SMURF1: variants seen among roughly 807,000 people sequenced by gnomAD.
SMURF1 encodes E3 ubiquitin-protein ligase SMURF1.
In SMURF1, 44 loss-of-function variants were observed where a neutral mutation model predicts 98.0. The ratio of observed to expected loss-of-function variants is 0.45; its 90% confidence interval spans 0.35 to 0.58. The LOEUF (loss-of-function observed/expected upper bound fraction) is 0.58. SMURF1 is among the 20% of genes least tolerant of loss of function. The pLI is 0.00. For missense variants in SMURF1, 687 were observed against 938.4 expected, an observed-to-expected ratio of 0.73 and a Z score of 3.50; for synonymous variants, 396 against 374.9, an observed-to-expected ratio of 1.06 and a Z score of -0.65.
intron 16 of SMURF1, among the ~76,000 whole-genome samples, chr7:99,035,081 T>C (rs1251260045): frequency 2.6e-5 from 4 of 152,102 alleles, no homozygotes; most frequent in Non-Finnish European, 5.9e-5. Flanking sequence ...TTAAACAGAG[T>C]GAGCAGGACA....
chr7:99,071,352 G>A (rs940820309), intron 1 of SMURF1, among the ~76,000 whole-genome samples: 2 of 152,118 alleles, frequency 1.3e-5, no homozygotes, highest in East Asian at 1.9e-4. Flanking sequence ...GAGCCACCGC[G>A]CCCGGCCAAA....
chr7:99,042,563 C>T (rs1182333511), intron 11 of SMURF1, among the ~76,000 whole-genome samples: 1 of 152,234 alleles, frequency 6.6e-6, no homozygotes, highest in Admixed American at 6.5e-5. Flanking sequence ...GCGTGAGCCA[C>T]CACGCTCAGC....
rs200812976 is a variant in SMURF1 at position 99,033,025 on chromosome 7, C to T, written c.2096+12G>A. On this transcript the variant is annotated intron_variant, in intron 17 of 17. Transcript: ENST00000361368. ...TCCCAGGACGCCGTGACTTCCTGGC[C>T]GCGGTGCTTACCAGGTATGGGCCTT... 4.1e-5 allele frequency: 66 copies of T among 1,598,804 alleles called. No homozygotes were observed. In the Middle Eastern group the frequency reaches 1.7e-3, roughly 41 times the overall value.
chr7:99,126,187 G>A (rs543549101), intron 1 of SMURF1, among the ~76,000 whole-genome samples: 84 of 152,232 alleles, frequency 5.5e-4, no homozygotes, highest in African/African-American at 2.0e-3. Context: ...TGAGAACAGC[G>A]AGCATGTATG....
intron 1 of SMURF1, among the ~76,000 whole-genome samples, chr7:99,062,869 G>A (rs1179393285): frequency 1.3e-5 from 2 of 151,910 alleles, no homozygotes; most frequent in Admixed American, 6.6e-5. Flanking sequence ...ACTAAGCACA[G>A]TGTTGATGTA....
intron 1 of SMURF1, among the ~76,000 whole-genome samples, chr7:99,071,493 C>T (rs1009872251): frequency 2.0e-5 from 3 of 152,152 alleles, no homozygotes; most frequent in African/African-American, 7.2e-5. Context: ...GGGGATCACT[C>T]TCTATTTTTT....
At chr7:99,109,775 G>A (rs1238207230) in intron 1 of SMURF1, among the ~76,000 whole-genome samples, 1 of 152,146 alleles carries the variant, frequency 6.6e-6, no homozygotes, top group Non-Finnish European at 1.5e-5. Context: ...CGACATCCAA[G>A]TATGATTTTT....
At chr7:99,043,261 A>C (rs1299601261) in intron 11 of SMURF1, among the ~76,000 whole-genome samples, 1 of 152,244 alleles carries the variant, frequency 6.6e-6, no homozygotes, top group African/African-American at 2.4e-5. Flanking sequence ...AAAGGACTTC[A>C]GGACTAAATA....
chr7:99,040,780 C>T (rs1795346498), intron 12 of SMURF1, among the ~76,000 whole-genome samples: 1 of 152,208 alleles, frequency 6.6e-6, no homozygotes, highest in South Asian at 2.1e-4. Context: ...TCAGGGCCAA[C>T]ACCTCCTCAG....
intron 1 of SMURF1, among the ~76,000 whole-genome samples, chr7:99,094,660 G>GA (rs35297120): frequency 0.79 from 115,870 of 146,510 alleles, 47,006 homozygotes; most frequent in South Asian, 0.91. Flanking sequence ...GCAAGAAAAG[G>GA]AAAAAAAAAA....
At chr7:99,115,038 G>A (rs970407185) in intron 1 of SMURF1, among the ~76,000 whole-genome samples, 2 of 151,830 alleles carry the variant, frequency 1.3e-5, no homozygotes, top group African/African-American at 4.8e-5. Context: ...ATTGAAATAG[G>A]AAGACCTGAA....
At chr7:99,068,854 T>C (rs1018046338) in intron 1 of SMURF1, among the ~76,000 whole-genome samples, 1 of 138,796 alleles carries the variant, frequency 7.2e-6, no homozygotes, top group Admixed American at 7.7e-5. Flanking sequence ...CATCAGACAA[T>C]CCCTCTCTCC....
At chr7:99,049,846 G>T in intron 8 of SMURF1, 137 bp from the exon 9 acceptor site, 2 of 765,752 alleles carry the variant, frequency 2.6e-6, no homozygotes, top group Non-Finnish European at 4.1e-6. Context: ...CCTTCGTGGT[G>T]CTACTTACGC....
chr7:99,082,530 G>A lies in SMURF1; in HGVS notation c.56-20693C>T, dbSNP rs1400106263. Among the ~76,000 whole-genome samples, 5 of 152,142 alleles carry A rather than the reference G, an allele frequency of 3.3e-5. No homozygotes were observed. In the East Asian group the frequency reaches 9.6e-4, roughly 29 times the overall value. Reference sequence around the variant, plus strand: ...TTGAAAATCAACTGACCATAAATATGAGGACTTATTTCTGGATTCCGAAGT... The same window carrying A: ...TTGAAAATCAACTGACCATAAATATAAGGACTTATTTCTGGATTCCGAAGT... On this transcript the variant is annotated intron_variant, in intron 1 of 17. Transcript: ENST00000361368.
At chr7:99,054,310 T>C (rs946230471) in intron 6 of SMURF1, among the ~76,000 whole-genome samples, 2 of 151,980 alleles carry the variant, frequency 1.3e-5, no homozygotes, top group Non-Finnish European at 2.9e-5. Flanking sequence ...CCCAGTTGTT[T>C]GTTTGTTTGT....
chr7:99,060,429 C>T (rs920110109), intron 3 of SMURF1, among the ~76,000 whole-genome samples, 170 bp downstream of exon 3: 2 of 149,898 alleles, frequency 1.3e-5, no homozygotes, highest in African/African-American at 4.9e-5. Context: ...GCAAGAACTT[C>T]CAAGTACATG....
Position 99,047,687 on chromosome 7 carries a change from A to G in SMURF1, c.1149T>C (p.Phe383=), listed in dbSNP as rs2150521393. 1 of 1,614,172 alleles carries G rather than the reference A, an allele frequency of 6.2e-7. No homozygotes were observed. The highest frequency in any genetic ancestry group is 8.5e-7 in the Non-Finnish European group (1 of 1,180,028). ...GCAGTGGCCCTGAACTCTCTACCTC[A>G]AAGATTTCTTCTCTGGACACTTCGA... ...CRIEVSREEI[F]EESYRQIMKM... The change falls in exon 10 of 18, where the codon TTT becomes TTC. Residue 383 remains phenylalanine (F), a synonymous_variant. Transcript: ENST00000361368.
chr7:99,049,510 A>G, intron 9 of SMURF1, 53 bp downstream of exon 9: 1 of 1,563,394 alleles, frequency 6.4e-7, no homozygotes, highest in Non-Finnish European at 8.8e-7. Flanking sequence ...AGTCCAAGAA[A>G]GCATTCGATT....
intron 1 of SMURF1, among the ~76,000 whole-genome samples, chr7:99,133,118 C>CCCA (rs1554451259): frequency 0.065 from 9,928 of 151,966 alleles, 445 homozygotes; most frequent in Non-Finnish European, 0.094. Flanking sequence ...CACACACACC[C>CCCA]CACCCACACG....
Sources: gnomAD v4.1 joint callset for allele counts (sites outside exome capture counted in the v4.1 genomes callset) on GRCh38, gnomAD v4.1.1 for gene constraint, MANE v1.5 for transcripts, NCBI Gene and HGNC (gene_info 2026-07-23, HGNC 2026-07-21) for gene names.